TBC1D5: variants seen among roughly 807,000 people sequenced by gnomAD.
TBC1D5 encodes TBC1 domain family, member 5.
Under a neutral mutation model 100.3 loss-of-function variants are expected in TBC1D5, and 75 were observed. The observed-to-expected ratio is 0.75, with a 90% CI of 0.62 to 0.91. TBC1D5 has a LOEUF of 0.91. TBC1D5 is among the 40% of genes least tolerant of loss of function. The pLI, the probability that TBC1D5 is intolerant of heterozygous loss-of-function variation, is 0.00. For synonymous variants in TBC1D5, 323 were observed against 325.6 expected (o/e 0.99, Z 0.09); for missense variants, 910 against 942.4 (o/e 0.97, Z 0.45).
Position 17,509,850 on chromosome 3 carries a change from G to A in TBC1D5, c.-35-1245C>T, listed in dbSNP as rs112013894. Among the ~76,000 whole-genome samples, 17 of 151,924 alleles carry A rather than the reference G, an allele frequency of 1.1e-4. No homozygotes were observed. The East Asian group carries it at 2.5e-3, about 22-fold the overall frequency. ...ATAACTACCTACATTTCCTTTGGTC[G>A]TTTTGAAAGTTTTCCCTCTCAATTC... is the stretch of plus-strand genomic sequence containing the variant. On this transcript the variant is annotated intron_variant, in intron 2 of 21. Transcript: ENST00000253692.
intron 2 of TBC1D5, chr3:17,562,113 C>T (rs2153476861): frequency 6.6e-6 from 1 of 151,894 alleles, no homozygotes; most frequent in East Asian, 1.9e-4. Context: ...CACTATATTC[C>T]AGCCTGGATG....
chr3:17,385,005 T>C (rs987936125), intron 8 of TBC1D5, among the ~76,000 whole-genome samples: 2 of 152,042 alleles, frequency 1.3e-5, no homozygotes, highest in Non-Finnish European at 2.9e-5. Context: ...TAAGAGTGCA[T>C]TATAATAAAG....
intron 2 of TBC1D5, among the ~76,000 whole-genome samples, chr3:17,562,754 C>G (rs1416186570): frequency 1.3e-5 from 2 of 152,112 alleles, no homozygotes; most frequent in African/African-American, 4.8e-5. Flanking sequence ...ACAACATATT[C>G]CTGGATGGGA....
At chr3:17,373,585 A>G (rs2092571419) in intron 12 of TBC1D5, among the ~76,000 whole-genome samples, 1 of 152,198 alleles carries the variant, frequency 6.6e-6, no homozygotes, top group African/African-American at 2.4e-5. Context: ...GTTATTCACA[A>G]TAGCCAAAAG....
At chr3:17,525,139 T>A (rs1014751402) in intron 2 of TBC1D5, among the ~76,000 whole-genome samples, 4 of 152,168 alleles carry the variant, frequency 2.6e-5, no homozygotes, top group African/African-American at 9.7e-5. Context: ...CATGAGGATT[T>A]TTTTTTTGAG....
At chr3:17,530,349 T>TG (rs1267457445) in intron 2 of TBC1D5, among the ~76,000 whole-genome samples, 1 of 151,342 alleles carries the variant, frequency 6.6e-6, no homozygotes, top group Middle Eastern at 3.4e-3. Context: ...GATGGGGGGT[T>TG]GGGGGGTGGT....
intron 18 of TBC1D5, among the ~76,000 whole-genome samples, chr3:17,188,861 T>C (rs954905607): frequency 2.0e-5 from 3 of 152,244 alleles, no homozygotes; most frequent in Non-Finnish European, 2.9e-5. Flanking sequence ...GCTAATTGCC[T>C]TGAGGTTTTA....
At chr3:17,455,289 T>TATACATATATAC (rs1491553532) in intron 3 of TBC1D5, among the ~76,000 whole-genome samples, 223 of 146,808 alleles carry the variant, frequency 1.5e-3, no homozygotes, top group African/African-American at 5.5e-3. Context: ...TGTATATATG[T>TATACATATATAC]ATATATGTAT....
intron 2 of TBC1D5, among the ~76,000 whole-genome samples, chr3:17,533,074 GACAC>G (rs9310518): frequency 0.02 from 2,968 of 144,910 alleles, 48 homozygotes; most frequent in African/African-American, 0.046. Flanking sequence ...CACATACACA[GACAC>G]ACACACACAC....
chr3:17,330,710 A>C (rs866812379), intron 13 of TBC1D5, among the ~76,000 whole-genome samples: 1 of 152,082 alleles, frequency 6.6e-6, no homozygotes, highest in South Asian at 2.1e-4. Context: ...AATTAGATAT[A>C]TTCCCTGTGA....
At chr3:17,573,178 C>T (rs772096158) in intron 2 of TBC1D5, among the ~76,000 whole-genome samples, 3 of 151,980 alleles carry the variant, frequency 2.0e-5, no homozygotes, top group Non-Finnish European at 2.9e-5. Flanking sequence ...GTAGGGATGG[C>T]ATTATCAACC....
intron 2 of TBC1D5, among the ~76,000 whole-genome samples, chr3:17,615,872 T>C (rs963675101): frequency 6.6e-6 from 1 of 152,194 alleles, no homozygotes; most frequent in Non-Finnish European, 1.5e-5. Flanking sequence ...AAGCATTTTT[T>C]GTGTCTCTAT....
At chr3:17,375,919 C>A (rs2092689527) in intron 10 of TBC1D5, among the ~76,000 whole-genome samples, 1 of 152,080 alleles carries the variant, frequency 6.6e-6, no homozygotes, top group African/African-American at 2.4e-5. Flanking sequence ...AGTCCCAGAG[C>A]CCTCCATTTC....
At chr3:17,640,005 C>G (rs1444427359) in intron 1 of TBC1D5, among the ~76,000 whole-genome samples, 1 of 152,166 alleles carries the variant, frequency 6.6e-6, no homozygotes, top group African/African-American at 2.4e-5. Context: ...CTAGCCCACT[C>G]TATACTTAGC....
chr3:17,542,543 T>C (rs1384863553), intron 2 of TBC1D5, among the ~76,000 whole-genome samples: 2 of 152,176 alleles, frequency 1.3e-5, no homozygotes, highest in South Asian at 2.1e-4. Flanking sequence ...ATTTGCATAT[T>C]GCAGTTAAAC....
At chr3:17,676,737 C>T (rs1205078872) in intron 1 of TBC1D5, among the ~76,000 whole-genome samples, 1 of 152,206 alleles carries the variant, frequency 6.6e-6, no homozygotes, top group Non-Finnish European at 1.5e-5. Context: ...CATCATGCTA[C>T]CTGACTTCAA....
intron 1 of TBC1D5, among the ~76,000 whole-genome samples, chr3:17,659,285 G>A (rs1468401434): frequency 6.6e-6 from 1 of 152,100 alleles, no homozygotes; most frequent in African/African-American, 2.4e-5. Flanking sequence ...AAAAGTCAAG[G>A]TGCTGAATAA....
chr3:17,498,543 T>G (rs2150738775), intron 3 of TBC1D5, among the ~76,000 whole-genome samples: 1 of 152,250 alleles, frequency 6.6e-6, no homozygotes, highest in East Asian at 1.9e-4. Context: ...TCAAAGACAA[T>G]TACTGAAGTA....
intron 15 of TBC1D5, among the ~76,000 whole-genome samples, chr3:17,279,723 C>T (rs561858125): frequency 6.6e-6 from 1 of 152,242 alleles, no homozygotes; most frequent in African/African-American, 2.4e-5. Flanking sequence ...AAGTGTTGTC[C>T]ATGGCCACCA....
Sources: gnomAD v4.1 joint callset for allele counts (sites outside exome capture counted in the v4.1 genomes callset) on GRCh38, gnomAD v4.1.1 for gene constraint, MANE v1.5 for transcripts, NCBI Gene and HGNC (gene_info 2026-07-23, HGNC 2026-07-21) for gene names.